Variants in DPY19L3 observed in about 807,000 individuals in gnomAD.
The protein encoded by DPY19L3 is protein C-mannosyl-transferase DPY19L3.
DPY19L3 carries 51 observed loss-of-function variants against 92.3 expected under a neutral mutation model. The observed-to-expected ratio is 0.55, with a 90% CI of 0.44 to 0.70. The LOEUF is 0.70. DPY19L3 is among the 30% of genes least tolerant of loss of function. The pLI, the probability that DPY19L3 is intolerant of heterozygous loss-of-function variation, is 0.00. For synonymous variants in DPY19L3, 309 were observed against 315.2 expected (o/e 0.98, Z 0.21); for missense variants, 706 against 855.9 (o/e 0.82, Z 2.18).
intron 16 of DPY19L3, among the ~76,000 whole-genome samples, chr19:32,470,769 A>G (rs1174902830): frequency 3.1e-5 from 4 of 129,894 alleles, no homozygotes; most frequent in East Asian, 4.9e-4. Flanking sequence ...TGTAGTAGAC[A>G]TATTCCTTTG....
intron 16 of DPY19L3, among the ~76,000 whole-genome samples, chr19:32,474,687 T>G (rs1970453700): frequency 6.6e-6 from 1 of 151,920 alleles, no homozygotes; most frequent in Non-Finnish European, 1.5e-5. Context: ...GCCTCCCGGG[T>G]TCAAGTGATT....
At chr19:32,432,608 C>CA (rs1451977796) in intron 3 of DPY19L3, 108 bp from the exon 4 acceptor site, 2 of 880,146 alleles carry the variant, frequency 2.3e-6, no homozygotes, top group Admixed American at 5.9e-5. Flanking sequence ...ACTATATTTT[C>CA]AGAGTTTTTT....
chr19:32,448,080 G>A lies in DPY19L3; in HGVS notation c.856-5065G>A, dbSNP rs114490674. On this transcript the variant is annotated intron_variant, in intron 8 of 18. Coordinates refer to ENST00000392250, the MANE Select transcript of DPY19L3 (RefSeq NM_001172774.2). The stretch of plus-strand genomic sequence containing the variant: ...TATGTTATGTACGTGTAACGAAACC[G>A]TACTTATATCCCTTAAATTTACACA... Among the ~76,000 whole-genome samples, 756 of 152,092 alleles carry A rather than the reference G, an allele frequency of 5.0e-3. 5 individuals carry two copies. Among genetic ancestry groups the A allele is most frequent in the African/African-American group, 0.017 (713 of 41,466 alleles).
At chr19:32,474,110 T>C (rs984635189) in intron 16 of DPY19L3, among the ~76,000 whole-genome samples, 1 of 152,230 alleles carries the variant, frequency 6.6e-6, no homozygotes, top group Admixed American at 6.5e-5. Context: ...GCCAGAAGTA[T>C]TATTTTTAAT....
chr19:32,471,337 G>C (rs947680133), intron 16 of DPY19L3, among the ~76,000 whole-genome samples: 2 of 152,200 alleles, frequency 1.3e-5, no homozygotes, highest in Non-Finnish European at 2.9e-5. Flanking sequence ...CCTGTTCCCA[G>C]ACAGTCAAAG....
At position 32,484,400 on chromosome 19, in the gene DPY19L3, G is replaced by A. The variant is rs1426798947; in HGVS notation, c.*2160G>A. 1.3e-5 allele frequency: 2 copies of A among 152,344 alleles called. No individual in the cohort carries two copies. The highest frequency in any genetic ancestry group is 3.9e-4 in the East Asian group (2 of 5,182). The allele number at this position is 152,344 out of a possible 1,614,324, so 9.4% of individuals were successfully genotyped here. A position where few individuals can be genotyped will look rare whatever the true frequency, so the allele number is the denominator to read the frequency against. ...AGCAAAGAAGAGCATCTGACTTCTA[G>A]CTCTGGCTTACAGCCTCTCTACCAG... On this transcript the variant is annotated 3_prime_UTR_variant, in exon 19 of 19. Transcript: ENST00000392250.
chr19:32,480,769 C>T lies in DPY19L3; in HGVS notation c.1989+212C>T, dbSNP rs779581917. On this transcript the variant is annotated intron_variant, in intron 18 of 18. Transcript: ENST00000392250. Reference sequence around the variant, plus strand: ...GGGCAAGGGAGAGGTGAGAGGGGAGCCCTGGGTCCCCAGTGTCACACCAAA... The same window carrying T: ...GGGCAAGGGAGAGGTGAGAGGGGAGTCCTGGGTCCCCAGTGTCACACCAAA... 6.7e-5 allele frequency: 42 copies of T among 624,060 alleles called. 1 individual carries two copies. In the Admixed American group the frequency reaches 1.3e-3, roughly 20 times the overall value. 38.7% of individuals were successfully genotyped at this position (624,060 alleles called of 1,614,324 possible).
chr19:32,410,226 A>G (rs957716083), intron 2 of DPY19L3, among the ~76,000 whole-genome samples: 2 of 152,054 alleles, frequency 1.3e-5, no homozygotes, highest in Non-Finnish European at 2.9e-5. Flanking sequence ...ACTTTTTTCT[A>G]TTGTACATTG....
intron 8 of DPY19L3, among the ~76,000 whole-genome samples, chr19:32,441,983 C>T (rs1969340307): frequency 1.3e-5 from 2 of 152,120 alleles, no homozygotes; most frequent in African/African-American, 4.8e-5. Flanking sequence ...AACATTATTA[C>T]AATGAAAGGA....
rs8100529 is a variant in DPY19L3, at chr19:32,462,930, G to A, written c.1323-436G>A. ...GGAGGTATTGGTAGGTTAAAAATGTGATTTTTGAGGGGTCATAAAGGAACT... is the reference window on the plus strand; with the variant it reads ...GGAGGTATTGGTAGGTTAAAAATGTAATTTTTGAGGGGTCATAAAGGAACT... On this transcript the variant is annotated intron_variant, in intron 12 of 18. Coordinates refer to ENST00000392250, the MANE Select transcript of DPY19L3 (RefSeq NM_001172774.2). Among the ~76,000 whole-genome samples, 1,178 of 152,236 alleles carry A rather than the reference G, an allele frequency of 7.7e-3. 16 individuals are homozygous for A. The highest frequency in any genetic ancestry group is 0.027 in the African/African-American group (1,111 of 41,542).
chr19:32,413,113 C>T (rs1358984990), intron 3 of DPY19L3: 1 of 152,130 alleles, frequency 6.6e-6, no homozygotes, highest in African/African-American at 2.4e-5. Flanking sequence ...TCTAATATGT[C>T]ATGATCTTTA....
chr19:32,414,173 C>T (rs1423159533), intron 3 of DPY19L3, among the ~76,000 whole-genome samples: 1 of 152,038 alleles, frequency 6.6e-6, no homozygotes, highest in Admixed American at 6.5e-5. Context: ...TTAATGCCCG[C>T]ACTTTGGGAG....
At chr19:32,455,736 T>C (rs1159189210) in intron 10 of DPY19L3, among the ~76,000 whole-genome samples, 1 of 152,250 alleles carries the variant, frequency 6.6e-6, no homozygotes, top group Non-Finnish European at 1.5e-5. Context: ...ATTGGTTTTA[T>C]GTCCAGTAGG....
chr19:32,484,709 T>C lies in DPY19L3; in HGVS notation c.*2469T>C, dbSNP rs1286212768. On this transcript the variant is annotated 3_prime_UTR_variant, in exon 19 of 19. Transcript: ENST00000392250. ...CGCTCCGGCTCCCTCCCTGGAGTTG[T>C]GCACCCGTCCCAAACTCCTCCATGC... 1 of 152,222 alleles carries C rather than the reference T, an allele frequency of 6.6e-6. No homozygotes were observed. Among genetic ancestry groups the C allele is most frequent in the African/African-American group, 2.4e-5 (1 of 41,452 alleles). The allele number at this position is 152,222 out of a possible 1,614,324, so 9.4% of individuals were successfully genotyped here.
At chr19:32,448,311 A>G (rs982527431) in intron 8 of DPY19L3, among the ~76,000 whole-genome samples, 6 of 152,212 alleles carry the variant, frequency 3.9e-5, no homozygotes, top group African/African-American at 1.2e-4. Flanking sequence ...GATGAGGAGC[A>G]TGGACACGAT....
At chr19:32,429,002 C>T (rs576925380) in intron 3 of DPY19L3, among the ~76,000 whole-genome samples, 2 of 151,994 alleles carry the variant, frequency 1.3e-5, no homozygotes, top group African/African-American at 2.4e-5. Context: ...CGCCTGCCAC[C>T]GCGCTTGGCT....
At chr19:32,453,410 G>A (rs1267346702) in intron 9 of DPY19L3, 134 bp downstream of exon 9, 2 of 887,560 alleles carry the variant, frequency 2.3e-6, no homozygotes, top group East Asian at 2.8e-5. Context: ...GTGGCATTGT[G>A]TGCTTTTTCT....
At chr19:32,411,573 T>G in intron 3 of DPY19L3, 1 of 473,388 alleles carries the variant, frequency 2.1e-6, no homozygotes, top group South Asian at 5.5e-5. Flanking sequence ...TTCTTTATTA[T>G]TTATTTATTT....
At chr19:32,469,991 C>G (rs1311815842) in intron 16 of DPY19L3, among the ~76,000 whole-genome samples, 1 of 152,202 alleles carries the variant, frequency 6.6e-6, no homozygotes, top group African/African-American at 2.4e-5. Flanking sequence ...GCTTACTCAC[C>G]AGTACAGGTC....
Sources: gnomAD v4.1 joint callset for allele counts (sites outside exome capture counted in the v4.1 genomes callset) on GRCh38, gnomAD v4.1.1 for gene constraint, MANE v1.5 for transcripts, NCBI Gene and HGNC (gene_info 2026-07-23, HGNC 2026-07-21) for gene names.